XYLT1: variants seen among roughly 807,000 people sequenced by gnomAD.
The protein encoded by XYLT1 is xylosyltransferase 1.
A neutral mutation model predicts 91.3 loss-of-function variants in XYLT1; 36 were observed. The ratio of observed to expected loss-of-function variants is 0.39; its 90% CI spans 0.30 to 0.52. XYLT1 has a LOEUF of 0.52. Among genes scored for constraint, XYLT1 ranks in the 20% least tolerant of loss-of-function variants. The probability of loss-of-function intolerance (pLI) is 0.68; values close to 1 mark genes in which losing one functional copy is unlikely to be tolerated. For synonymous variants in XYLT1, 588 were observed against 532.0 expected (o/e 1.11, Z -1.45); for missense variants, 1,242 against 1,284.5 (o/e 0.97, Z 0.51).
intron 5 of XYLT1, among the ~76,000 whole-genome samples, chr16:17,167,566 C>T (rs896448778): frequency 2.0e-5 from 3 of 151,216 alleles, no homozygotes; most frequent in Non-Finnish European, 2.9e-5. Flanking sequence ...CCTTCCATCT[C>T]GTGAAGGGAT....
In XYLT1 at chr16:17,127,810, G is replaced by C; in HGVS notation, c.2079C>G (p.Asp693Glu). Residue 693 changes from aspartate to glutamate, a missense_variant, in exon 10 of 12, where the codon GAC (aspartate) becomes GAG (glutamate). Transcript: ENST00000261381. The stretch of plus-strand genomic sequence containing the variant: ...GCTTGATCAGAAAGCCCTGGAAGCG[G>C]TCAGCAAGGAAGTAGAGGTGCACAG... ...PASVHLYFLA[D>E]RFQGFLIKHH... The C allele has an allele frequency of 6.2e-7, 1 of 1,614,130 alleles. No homozygotes were observed.
intron 3 of XYLT1, among the ~76,000 whole-genome samples, chr16:17,243,895 C>G (rs1364511834): frequency 6.6e-6 from 1 of 152,120 alleles, no homozygotes; most frequent in Non-Finnish European, 1.5e-5. Context: ...TGGAGAGAAG[C>G]AGATGCCCAG....
At chr16:17,447,908 T>C (rs932000395) in intron 1 of XYLT1, among the ~76,000 whole-genome samples, 5 of 152,204 alleles carry the variant, frequency 3.3e-5, no homozygotes, top group Non-Finnish European at 5.9e-5. Context: ...ATTGTGGACA[T>C]TGTGGCCTCT....
rs377585712 is a variant in XYLT1 at position 17,115,828 on chromosome 16, CTT to C, written c.2557+1816_2557+1817del. ...AAAAAAAAAAAAAAAAAAAAAAAGA[CTT>C]TTCCTTGCACTATTATCAGTAACAT... On this transcript the variant is annotated intron_variant, in intron 11 of 11. Coordinates refer to ENST00000261381, the MANE Select transcript of XYLT1 (RefSeq NM_022166.4). Among the ~76,000 whole-genome samples, 643 of 40,840 alleles carry C rather than the reference CTT, an allele frequency of 0.016. 30 individuals are homozygous for C. In the East Asian group the frequency reaches 0.17, roughly 11 times the overall value. The allele number at this position is 40,840 out of a possible 152,430, so 26.8% of individuals were successfully genotyped here.
chr16:17,383,929 G>C (rs896290253), intron 1 of XYLT1, among the ~76,000 whole-genome samples: 3 of 151,740 alleles, frequency 2.0e-5, no homozygotes, highest in Non-Finnish European at 2.9e-5. Flanking sequence ...TGTATTTTTA[G>C]TAGAGACAGG....
intron 1 of XYLT1, among the ~76,000 whole-genome samples, chr16:17,407,505 G>A (rs577526827): frequency 1.3e-5 from 2 of 152,162 alleles, no homozygotes; most frequent in Non-Finnish European, 2.9e-5. Context: ...ATGTTGCCCA[G>A]TATGGACATG....
At chr16:17,465,563 G>C (rs1216277304) in intron 1 of XYLT1, among the ~76,000 whole-genome samples, 22 of 142,398 alleles carry the variant, frequency 1.5e-4, no homozygotes, top group African/African-American at 3.8e-4. Flanking sequence ...TTTTGGGGGG[G>C]GGGGGGGTGA....
intron 2 of XYLT1, among the ~76,000 whole-genome samples, chr16:17,356,952 G>A (rs1596500319): frequency 6.6e-6 from 1 of 151,832 alleles, no homozygotes; most frequent in Non-Finnish European, 1.5e-5. Context: ...CAAGGTGAGC[G>A]GATCACAAGG....
At chr16:17,190,966 G>A (rs185333544) in intron 5 of XYLT1, among the ~76,000 whole-genome samples, 179 of 152,308 alleles carry the variant, frequency 1.2e-3, no homozygotes, top group African/African-American at 3.9e-3. Flanking sequence ...GATATCAAGA[G>A]TGCATACTTC....
At chr16:17,448,669 T>C (rs971571527) in intron 1 of XYLT1, among the ~76,000 whole-genome samples, 2 of 116,062 alleles carry the variant, frequency 1.7e-5, no homozygotes, top group East Asian at 6.0e-4. Context: ...TAATGGAAGA[T>C]GAGGGTGAGG....
chr16:17,218,727 T>C (rs1273474256), intron 3 of XYLT1, among the ~76,000 whole-genome samples: 2 of 152,200 alleles, frequency 1.3e-5, no homozygotes, highest in Admixed American at 6.5e-5. Flanking sequence ...CTCATTCAAT[T>C]TCTCTCCTAC....
chr16:17,432,660 C>T (rs2036405609), intron 1 of XYLT1, among the ~76,000 whole-genome samples: 1 of 152,164 alleles, frequency 6.6e-6, no homozygotes, highest in South Asian at 2.1e-4. Flanking sequence ...GTAAATTTTA[C>T]AGTATGTAAA....
At chr16:17,436,398 T>A (rs1184168290) in intron 1 of XYLT1, among the ~76,000 whole-genome samples, 1 of 152,172 alleles carries the variant, frequency 6.6e-6, no homozygotes, top group Non-Finnish European at 1.5e-5. Context: ...TCCCCACTCA[T>A]TGCCATGATA....
chr16:17,107,152 A>G lies in XYLT1; in HGVS notation c.*1543T>C, dbSNP rs957956294. ...CCCTTCTCTACGTCCTCCATTGCCA[A>G]CAGGACACCCTGCCTTGCGAGGCTT... On this transcript the variant is annotated 3_prime_UTR_variant, in exon 12 of 12. Transcript: ENST00000261381. 3 of 152,200 alleles carry G rather than the reference A, an allele frequency of 2.0e-5. No individual in the cohort carries two copies. Among genetic ancestry groups the G allele is most frequent in the Non-Finnish European group, 4.4e-5 (3 of 68,058 alleles). 9.4% of individuals were successfully genotyped at this position (152,200 alleles called of 1,614,324 possible). A position where few individuals can be genotyped will look rare whatever the true frequency, so the allele number is the denominator to read the frequency against.
intron 1 of XYLT1, among the ~76,000 whole-genome samples, chr16:17,440,835 A>C (rs1032927736): frequency 1.3e-5 from 2 of 152,112 alleles, no homozygotes; most frequent in African/African-American, 4.8e-5. Context: ...ACTTTGGGTC[A>C]GGGGAGTCAG....
At chr16:17,167,395 C>T (rs1016509667) in intron 5 of XYLT1, among the ~76,000 whole-genome samples, 5 of 152,224 alleles carry the variant, frequency 3.3e-5, no homozygotes, top group African/African-American at 1.2e-4. Context: ...CAGTAAGTTT[C>T]CTCCTCCCCC....
At chr16:17,359,214 C>A (rs975715071) in intron 1 of XYLT1, among the ~76,000 whole-genome samples, 1 of 152,284 alleles carries the variant, frequency 6.6e-6, no homozygotes, top group South Asian at 2.1e-4. Flanking sequence ...AGAGAATGGG[C>A]ATGATTTTAG....
intron 1 of XYLT1, among the ~76,000 whole-genome samples, chr16:17,391,789 T>C (rs928981898): frequency 1.9e-4 from 29 of 152,194 alleles, no homozygotes; most frequent in Non-Finnish European, 4.0e-4. Flanking sequence ...AACTGAGTCA[T>C]GGGGGTAGTT....
Position 17,138,997 on chromosome 16 carries a change from G to A in XYLT1, c.1588-466C>T, listed in dbSNP as rs191322955. ...CCCAGGGCTTCCTGCATCGCCAGAC[G>A]GCAACATAGGGAAGGGAGTGGGTGG... On this transcript the variant is annotated intron_variant, in intron 7 of 11. Transcript: ENST00000261381. Among the ~76,000 whole-genome samples the A allele has an allele frequency of 4.5e-3, 691 of 152,300 alleles. 2 individuals are homozygous for A. Among genetic ancestry groups the A allele is most frequent in the African/African-American group, 0.016 (649 of 41,572 alleles).
Sources: allele counts gnomAD v4.1 joint callset (sites outside exome capture counted in the v4.1 genomes callset), GRCh38; gene constraint gnomAD v4.1.1; transcripts MANE v1.5; gene names NCBI Gene and HGNC (gene_info 2026-07-23, HGNC 2026-07-21).